SH3PXD2B: variants seen among roughly 807,000 people sequenced by gnomAD.
SH3PXD2B encodes the protein SH3 and PX domains 2B.
SH3PXD2B carries 37 observed loss-of-function variants against 73.1 expected under a neutral mutation model. The ratio of observed to expected loss-of-function variants is 0.51; its 90% CI spans 0.39 to 0.67. SH3PXD2B has a LOEUF of 0.67. SH3PXD2B is among the 30% of genes least tolerant of loss of function. SH3PXD2B has a pLI of 0.00. For synonymous variants in SH3PXD2B, 457 were observed against 480.5 expected (o/e 0.95, Z 0.64); for missense variants, 1,053 against 1,197.8 (o/e 0.88, Z 1.78).
At chr5:172,418,999 G>C (rs945866973) in intron 2 of SH3PXD2B, among the ~76,000 whole-genome samples, 3 of 152,154 alleles carry the variant, frequency 2.0e-5, no homozygotes, top group Admixed American at 2.0e-4. Context: ...GCAGAGGGAC[G>C]GCTGACAGCT....
At chr5:172,365,066 C>A (rs74699218) in intron 6 of SH3PXD2B, among the ~76,000 whole-genome samples, 6,332 of 152,308 alleles carry the variant, frequency 0.042, 204 homozygotes, top group South Asian at 0.19. Context: ...ACTCCCCCTC[C>A]CTGCCTGAGG....
chr5:172,369,179 A>G (rs1012429437), intron 6 of SH3PXD2B, among the ~76,000 whole-genome samples: 5 of 150,404 alleles, frequency 3.3e-5, no homozygotes, highest in Non-Finnish European at 5.9e-5. Context: ...ACAGGTGTAA[A>G]CCACCACGCC....
intron 1 of SH3PXD2B, among the ~76,000 whole-genome samples, chr5:172,444,663 C>A (rs1038844725): frequency 6.6e-6 from 1 of 152,214 alleles, no homozygotes; most frequent in African/African-American, 2.4e-5. Flanking sequence ...CCTTCCCTCT[C>A]TCCCTCCATC....
At chr5:172,433,579 G>A (rs1019598443) in intron 1 of SH3PXD2B, among the ~76,000 whole-genome samples, 1 of 152,122 alleles carries the variant, frequency 6.6e-6, no homozygotes, top group Non-Finnish European at 1.5e-5. Context: ...TCAGTCCTAG[G>A]GCCACCAAGG....
At chr5:172,343,396 T>G (rs1464357603) in intron 12 of SH3PXD2B, among the ~76,000 whole-genome samples, 1 of 152,376 alleles carries the variant, frequency 6.6e-6, no homozygotes, top group East Asian at 1.9e-4. Context: ...AAGCTTACAC[T>G]CTTTGCAAAG....
In SH3PXD2B at chr5:172,338,589, G is replaced by A. The variant is rs765781253; in HGVS notation, c.2516C>T (p.Ala839Val). Residue 839 changes from alanine to valine, a missense_variant, in exon 13 of 13, where the codon GCA becomes GTA. This residue lies in a region of SH3PXD2B where 587 missense variants were observed against 590.7 expected (regional missense o/e 0.99). Transcript: ENST00000311601. The surrounding 1 kb of genome is among the most constrained non-coding windows in gnomAD (Gnocchi z 5.1). ...GGCATTGGGGACAGAGGCTGCAGCT[G>A]CTTTCTCCCTGTTTTCTCCAATCTT... ...TGKIGENREK[A>V]AAASVPNADG... 1.2e-6 allele frequency: 2 copies of A among 1,614,118 alleles called. No homozygotes were observed. The highest frequency in any genetic ancestry group is 1.7e-5 in the Admixed American group (1 of 60,014).
intron 12 of SH3PXD2B, among the ~76,000 whole-genome samples, chr5:172,328,088 T>G (rs1756479379): frequency 6.8e-6 from 1 of 147,746 alleles, no homozygotes; most frequent in East Asian, 2.0e-4. Flanking sequence ...TTTATAGACA[T>G]GGGATCTCGC....
At chr5:172,391,207 T>C (rs886550114) in intron 4 of SH3PXD2B, among the ~76,000 whole-genome samples, 1 of 152,160 alleles carries the variant, frequency 6.6e-6, no homozygotes, top group African/African-American at 2.4e-5. Flanking sequence ...TTGTCCTGTC[T>C]TGTTGATTAT....
At chr5:172,432,930 G>T (rs1177623953) in intron 1 of SH3PXD2B, among the ~76,000 whole-genome samples, 1 of 130,202 alleles carries the variant, frequency 7.7e-6, no homozygotes, top group African/African-American at 2.9e-5. Flanking sequence ...AAAAAAGGGG[G>T]GGGGGGGGGA....
At chr5:172,418,437 T>C (rs1218515244) in intron 2 of SH3PXD2B, among the ~76,000 whole-genome samples, 1 of 152,222 alleles carries the variant, frequency 6.6e-6, no homozygotes. Flanking sequence ...CTTTTTCCAT[T>C]ACGCCACACT....
At chr5:172,351,630 T>C (rs1757160563) in intron 9 of SH3PXD2B, among the ~76,000 whole-genome samples, 1 of 152,174 alleles carries the variant, frequency 6.6e-6, no homozygotes, top group Non-Finnish European at 1.5e-5. Flanking sequence ...CAGAGTATTT[T>C]TCCTTGGAGA....
At chr5:172,434,782 G>GTTTTTTTTTGTTTTTT (rs1554087272) in intron 1 of SH3PXD2B, among the ~76,000 whole-genome samples, 2 of 66,350 alleles carry the variant, frequency 3.0e-5, no homozygotes, top group African/African-American at 9.2e-5. Flanking sequence ...ATGGCCAATG[G>GTTTTTTTTTGTTTTTT]TTTTTTTTTT....
chr5:172,345,066 G>C (rs1402278791), intron 12 of SH3PXD2B, among the ~76,000 whole-genome samples: 1 of 149,354 alleles, frequency 6.7e-6, no homozygotes, highest in African/African-American at 2.5e-5. Context: ...GAAGGAGGAA[G>C]GAGGAAGGAA....
intron 8 of SH3PXD2B, among the ~76,000 whole-genome samples, chr5:172,357,345 AC>A (rs1392039771): frequency 6.7e-5 from 10 of 149,706 alleles, no homozygotes; most frequent in Admixed American, 6.7e-4. Context: ...AATCACTTGA[AC>A]CCAGGAGGCG....
chr5:172,335,379 C>T lies in SH3PXD2B; in HGVS notation c.*2990G>A. 8 of 1,222,032 alleles carry T rather than the reference C, an allele frequency of 6.5e-6. No homozygotes were observed. The highest frequency in any genetic ancestry group is 8.1e-6 in the Non-Finnish European group (8 of 982,356). The allele number at this position is 1,222,032 out of a possible 1,614,324, so 75.7% of individuals were successfully genotyped here. ...TGATTCCCTGGAAGCCCTCCGCACA[C>T]TTCCCTGCTAATGGCAGAGAAAAGT... On this transcript the variant is annotated 3_prime_UTR_variant, in exon 13 of 13. Coordinates refer to ENST00000311601, the MANE Select transcript of SH3PXD2B (RefSeq NM_001017995.3).
At chr5:172,397,555 A>G (rs1267823717) in intron 3 of SH3PXD2B, among the ~76,000 whole-genome samples, 1 of 152,084 alleles carries the variant, frequency 6.6e-6, no homozygotes, top group South Asian at 2.1e-4. Context: ...TCCCCCGGAC[A>G]CCCAGCTTTA....
chr5:172,400,343 A>G (rs2113412962), intron 3 of SH3PXD2B, among the ~76,000 whole-genome samples: 1 of 152,334 alleles, frequency 6.6e-6, no homozygotes, highest in Non-Finnish European at 1.5e-5. Context: ...AGGGCTATTT[A>G]AAAAACAATT....
At chr5:172,413,206 G>C (rs2113445377) in intron 2 of SH3PXD2B, among the ~76,000 whole-genome samples, 1 of 152,356 alleles carries the variant, frequency 6.6e-6, no homozygotes, top group Admixed American at 6.5e-5. Flanking sequence ...AAGCCACAAG[G>C]TCCTGGGGCA....
chr5:172,452,267 G>A (rs1759813435), intron 1 of SH3PXD2B, among the ~76,000 whole-genome samples: 1 of 152,128 alleles, frequency 6.6e-6, no homozygotes, highest in Admixed American at 6.5e-5. Context: ...ACTTGTCTCA[G>A]GGGGCCCCCA....
Sources: gnomAD v4.1 joint callset for allele counts (sites outside exome capture counted in the v4.1 genomes callset) on GRCh38, gnomAD v4.1.1 for gene constraint, gnomAD v4.1.1 regional missense constraint, Gnocchi (gnomAD v3.1) non-coding constraint, MANE v1.5 for transcripts, NCBI Gene and HGNC (gene_info 2026-07-23, HGNC 2026-07-21) for gene names.